EMSY: variants seen among roughly 807,000 people sequenced by gnomAD.
EMSY encodes EMSY transcriptional repressor, BRCA2 interacting, also known as BRCA2-interacting transcriptional repressor EMSY.
EMSY carries 26 observed loss-of-function variants against 134.6 expected under a neutral mutation model. The ratio of observed to expected loss-of-function variants is 0.19; its 90% CI spans 0.14 to 0.27. EMSY has a LOEUF of 0.27. EMSY is among the 10% of genes least tolerant of loss of function. The probability of loss-of-function intolerance (pLI) is 1.00; values close to 1 mark genes in which losing one functional copy is unlikely to be tolerated. For missense variants in EMSY, 1,305 were observed against 1,611.4 expected (o/e 0.81, Z 3.26); for synonymous variants, 579 against 577.8 (o/e 1.00, Z -0.03).
chr11:76,489,238 A>G (rs1207404727), intron 8 of EMSY, among the ~76,000 whole-genome samples: 1 of 152,182 alleles, frequency 6.6e-6, no homozygotes, highest in African/African-American at 2.4e-5. Context: ...ATGGTTTTAG[A>G]ATAATTGACT....
exon 19 of EMSY, chr11:76,544,437 A>G: frequency 2.5e-6 from 4 of 1,614,166 alleles, no homozygotes; most frequent in Non-Finnish European, 3.4e-6. Flanking sequence ...GAACAGACTC[A>G]GCTGCAAGTG....
chr11:76,512,509 T>C (rs1021900323), intron 9 of EMSY, among the ~76,000 whole-genome samples: 1 of 152,124 alleles, frequency 6.6e-6, no homozygotes, highest in African/African-American at 2.4e-5. Context: ...GATGTTAACA[T>C]AGTTCTCAAA....
At chr11:76,497,984 TTC>T (rs1225979794) in intron 9 of EMSY, among the ~76,000 whole-genome samples, 5 of 152,208 alleles carry the variant, frequency 3.3e-5, no homozygotes, top group African/African-American at 1.2e-4. Flanking sequence ...TGTCACAAAT[TTC>T]TCTCGGCACT....
chr11:76,552,025 A>G (rs1426813878), downstream of EMSY: 2 of 152,216 alleles, frequency 1.3e-5, no homozygotes, highest in East Asian at 1.9e-4. Flanking sequence ...TAGCCTTCAT[A>G]TGTTTCTGCA....
exon 21 of EMSY, chr11:76,550,369 A>G (rs557509577): frequency 3.3e-5 from 12 of 361,574 alleles, no homozygotes; most frequent in African/African-American, 1.9e-4. Context: ...AGAAAAAAAA[A>G]GCTGCACATT....
At chr11:76,494,705 TCC>T (rs1949572004) in intron 8 of EMSY, among the ~76,000 whole-genome samples, 1 of 125,910 alleles carries the variant, frequency 7.9e-6, no homozygotes, top group Non-Finnish European at 1.7e-5. Flanking sequence ...CTTCCTTCCT[TCC>T]TTCCTTCCTT....
At chr11:76,453,486 A>G in intron 4 of EMSY, 98 bp downstream of exon 4, 1 of 1,049,678 alleles carries the variant, frequency 9.5e-7, no homozygotes, top group Admixed American at 2.2e-5. Flanking sequence ...TGAGTCTTTT[A>G]AGTAACAATA....
intron 9 of EMSY, among the ~76,000 whole-genome samples, chr11:76,507,748 C>A (rs950052593): frequency 1.3e-5 from 2 of 152,154 alleles, no homozygotes; most frequent in African/African-American, 4.8e-5. Context: ...GTTCTGAATG[C>A]ATCTAGAACA....
At chr11:76,482,569 G>A (rs575173824) in intron 8 of EMSY, among the ~76,000 whole-genome samples, 2 of 152,314 alleles carry the variant, frequency 1.3e-5, no homozygotes, top group East Asian at 1.9e-4. Context: ...ACTTGATGGA[G>A]CTGAAAAACA....
In EMSY at chr11:76,505,784, G is replaced by A. The variant is rs534783253; in HGVS notation, c.1364-7602G>A. 2.7e-4 allele frequency among the ~76,000 whole-genome samples: 41 copies of A among 152,188 alleles called. No homozygotes were observed. The East Asian group carries it at 6.6e-3, about 24-fold the overall frequency. The stretch of plus-strand genomic sequence containing the variant: ...AGGCAGGAGAATCGCGTGAACCCGG[G>A]GGGTGGAGCTTGCAGTGAACCAAGA... On this transcript the variant is annotated intron_variant, in intron 9 of 20. Coordinates refer to ENST00000334736, the Ensembl canonical transcript of EMSY.
chr11:76,522,795 A>G (rs113183719), intron 11 of EMSY, among the ~76,000 whole-genome samples: 1,873 of 152,238 alleles, frequency 0.012, 30 homozygotes, highest in African/African-American at 0.041. Context: ...CACTTCAGTC[A>G]CATATAATAC....
chr11:76,519,772 A>G (rs1018650376), intron 11 of EMSY, among the ~76,000 whole-genome samples: 1 of 152,158 alleles, frequency 6.6e-6, no homozygotes, highest in Non-Finnish European at 1.5e-5. Flanking sequence ...GGATCTTTTT[A>G]AAAAATAAGA....
chr11:76,501,054 T>A (rs1157663684), intron 9 of EMSY, among the ~76,000 whole-genome samples: 1 of 152,234 alleles, frequency 6.6e-6, no homozygotes, highest in African/African-American at 2.4e-5. Context: ...TTAAATCATC[T>A]CTAGATTACC....
rs913169215 is a variant in EMSY, at chr11:76,478,640, C to A, written c.1108+5800C>A. ...ACAGGTGTGAGCCACCGCGCCCGGC[C>A]GTGAATAATATTTTTTACATATTTG... On this transcript the variant is annotated intron_variant, in intron 8 of 20. Transcript: ENST00000334736. 4.6e-5 allele frequency among the ~76,000 whole-genome samples: 7 copies of A among 151,656 alleles called. No individual in the cohort carries two copies. In the South Asian group the frequency reaches 1.5e-3, roughly 31 times the overall value.
chr11:76,492,080 G>A (rs1949446621), intron 8 of EMSY, among the ~76,000 whole-genome samples: 1 of 152,216 alleles, frequency 6.6e-6, no homozygotes, highest in South Asian at 2.1e-4. Flanking sequence ...CATAAAGTAT[G>A]TACTCAAGTT....
intron 9 of EMSY, among the ~76,000 whole-genome samples, chr11:76,512,469 C>A (rs1276390032): frequency 2.0e-5 from 3 of 152,078 alleles, no homozygotes; most frequent in African/African-American, 7.2e-5. Context: ...CTGAAAATGT[C>A]AAATCCTAGA....
chr11:76,475,748 CCT>C (rs1473196407), intron 8 of EMSY, among the ~76,000 whole-genome samples: 1 of 152,140 alleles, frequency 6.6e-6, no homozygotes, highest in Non-Finnish European at 1.5e-5. Context: ...TGTGATTGTG[CCT>C]GCAGGACTTC....
chr11:76,528,600 T>C (rs1565350528), intron 14 of EMSY, 134 bp downstream of exon 15: 1 of 631,544 alleles, frequency 1.6e-6, no homozygotes. Context: ...TTTTTTTTTT[T>C]TTTATTGTTT....
intron 8 of EMSY, among the ~76,000 whole-genome samples, chr11:76,485,455 A>G (rs563486589): frequency 3.3e-5 from 5 of 152,358 alleles, no homozygotes; most frequent in African/African-American, 1.2e-4. Flanking sequence ...CCACATGCTT[A>G]TCTCAATAGA....
Sources: allele counts gnomAD v4.1 joint callset (sites outside exome capture counted in the v4.1 genomes callset), GRCh38; gene constraint gnomAD v4.1.1; transcripts MANE v1.5; gene names NCBI Gene and HGNC (gene_info 2026-07-23, HGNC 2026-07-21).